UTRN: variants seen among roughly 807,000 people sequenced by gnomAD.
The protein encoded by UTRN is utrophin, also known as dystrophin-related protein 1.
In UTRN, 283 loss-of-function variants were observed where a neutral mutation model predicts 463.9. That is an observed-to-expected ratio of 0.61 (90% CI 0.55 to 0.67). The LOEUF (loss-of-function observed/expected upper bound fraction) is 0.67, where lower values mean the gene tolerates loss of function less well. Ranked by LOEUF, UTRN falls within the 30% of genes least tolerant of loss-of-function variation. The pLI is 0.00. For synonymous variants in UTRN, 1,442 were observed against 1,431.5 expected, an observed-to-expected ratio of 1.01 and a Z score of -0.17; for missense variants, 3,922 against 4,084.3, an observed-to-expected ratio of 0.96 and a Z score of 1.08.
Position 144,726,422 on chromosome 6 carries a change from C to T in UTRN, c.7810-3935C>T, listed in dbSNP as rs117653240. On this transcript the variant is annotated intron_variant, in intron 53 of 74. Transcript: ENST00000367545. ...TTCCCTCTCTGCAAGACTCAATTTA[C>T]GCACCACCTCCCCCAGGAAGCATTA... Among the ~76,000 whole-genome samples, 1,072 of 152,216 alleles carry T rather than the reference C, an allele frequency of 7.0e-3. 19 individuals are homozygous for T. The highest frequency in any genetic ancestry group is 0.039 in the South Asian group (190 of 4,818).
intron 2 of UTRN, among the ~76,000 whole-genome samples, chr6:144,352,938 T>G (rs948753558): frequency 2.0e-5 from 3 of 152,110 alleles, no homozygotes; most frequent in African/African-American, 7.2e-5. Context: ...ATGTTTCTTC[T>G]TCTTCTTTTT....
chr6:144,468,659 C>A (rs1475800421), intron 23 of UTRN, among the ~76,000 whole-genome samples: 2 of 151,628 alleles, frequency 1.3e-5, no homozygotes, highest in Admixed American at 6.6e-5. Context: ...AGAAAAAAAT[C>A]GTCATTATTG....
At chr6:144,701,164 C>T (rs1346853354) in intron 53 of UTRN, among the ~76,000 whole-genome samples, 1 of 152,176 alleles carries the variant, frequency 6.6e-6, no homozygotes, top group East Asian at 1.9e-4. Context: ...TCCTCGGCCT[C>T]CCAAAGTGCT....
chr6:144,343,054 A>G (rs1277674720), intron 2 of UTRN, among the ~76,000 whole-genome samples: 1 of 152,158 alleles, frequency 6.6e-6, no homozygotes, highest in Non-Finnish European at 1.5e-5. Context: ...GAGGAGGAGC[A>G]TAGGGGAGGT....
chr6:144,329,273 A>G (rs1263799899), intron 2 of UTRN, among the ~76,000 whole-genome samples: 2 of 151,470 alleles, frequency 1.3e-5, no homozygotes, highest in African/African-American at 4.9e-5. Flanking sequence ...AGTAAAGACA[A>G]GATTTCACCA....
At chr6:144,830,352 T>C (rs1780561891) in intron 69 of UTRN, among the ~76,000 whole-genome samples, 1 of 152,170 alleles carries the variant, frequency 6.6e-6, no homozygotes, top group South Asian at 2.1e-4. Context: ...ACAGTTGTTA[T>C]TAATATATAC....
Position 144,451,470 on chromosome 6 carries a change from T to A in UTRN, c.2173T>A (p.Ser725Thr). 2 of 1,609,998 alleles carry A rather than the reference T, an allele frequency of 1.2e-6. No homozygotes were observed. Among genetic ancestry groups the A allele is most frequent in the Non-Finnish European group, 1.7e-6 (2 of 1,178,900 alleles). The change falls in exon 18 of 75, where the codon TCC (serine) becomes ACC (threonine). Residue 725 changes from serine to threonine, a missense_variant. Coordinates refer to ENST00000367545, the MANE Select transcript of UTRN (RefSeq NM_007124.3). ...IKEYMKMQDT[S>T]EMKKKLKALE... ...AGAGTATATGAAGATGCAAGACACTTCCGAAATGAAAAAGAAGTTGAAGGT... is the reference window on the plus strand; with the variant it reads ...AGAGTATATGAAGATGCAAGACACTACCGAAATGAAAAAGAAGTTGAAGGT...
intron 60 of UTRN, among the ~76,000 whole-genome samples, chr6:144,778,367 TG>T (rs34629032): frequency 6.6e-6 from 1 of 152,076 alleles, no homozygotes; most frequent in Non-Finnish European, 1.5e-5. Context: ...CAGGCCTTTA[TG>T]GGGAGAGGTT....
intron 2 of UTRN, chr6:144,398,309 CT>C: frequency 3.2e-6 from 1 of 314,870 alleles, no homozygotes. Flanking sequence ...TTTGGGCTTC[CT>C]TGTCCTCAAT....
intron 53 of UTRN, among the ~76,000 whole-genome samples, chr6:144,717,622 C>CTTTTT (rs1786618062): frequency 8.0e-6 from 1 of 124,548 alleles, no homozygotes; most frequent in African/African-American, 3.5e-5. Flanking sequence ...TTTTCTTTTT[C>CTTTTT]TTTTCTTTTT....
At chr6:144,758,650 T>C (rs1313931638) in intron 58 of UTRN, among the ~76,000 whole-genome samples, 6 of 152,138 alleles carry the variant, frequency 3.9e-5, no homozygotes, top group Non-Finnish European at 7.4e-5. Flanking sequence ...ACACAGGCTC[T>C]TAGTAGGCGT....
rs138281134 is a variant in UTRN at position 144,791,755 on chromosome 6, A to G, written c.8921-2079A>G. 6.2e-4 allele frequency among the ~76,000 whole-genome samples: 94 copies of G among 152,262 alleles called. No homozygotes were observed. In the East Asian group the frequency reaches 0.018, roughly 28 times the overall value. On this transcript the variant is annotated intron_variant, in intron 62 of 74. Coordinates refer to ENST00000367545, the MANE Select transcript of UTRN (RefSeq NM_007124.3). ...AATGTGAACTTTTGTAGGAACTTTTATAAGGATTTATAGAAATATGTCAAA... is the reference window on the plus strand; with the variant it reads ...AATGTGAACTTTTGTAGGAACTTTTGTAAGGATTTATAGAAATATGTCAAA...
intron 51 of UTRN, among the ~76,000 whole-genome samples, chr6:144,674,647 C>T (rs1464046139): frequency 2.0e-5 from 3 of 152,136 alleles, no homozygotes; most frequent in African/African-American, 4.8e-5. Context: ...ACCTCTGCCT[C>T]CCAGGCTCAA....
intron 2 of UTRN, among the ~76,000 whole-genome samples, chr6:144,316,672 A>G (rs1169113520): frequency 2.0e-5 from 3 of 152,214 alleles, no homozygotes; most frequent in Non-Finnish European, 2.9e-5. Flanking sequence ...GATGGAGAAA[A>G]TATTTCCTAA....
intron 51 of UTRN, among the ~76,000 whole-genome samples, chr6:144,622,561 T>C (rs1229411011): frequency 6.6e-6 from 1 of 152,188 alleles, no homozygotes; most frequent in African/African-American, 2.4e-5. Flanking sequence ...GCCAGTTATA[T>C]ATTTGTGGGA....
chr6:144,490,318 G>A, intron 31 of UTRN, 119 bp downstream of exon 31: 2 of 1,399,204 alleles, frequency 1.4e-6, no homozygotes, highest in South Asian at 1.5e-5. Flanking sequence ...ACCATGGGAT[G>A]GGAGTGATGA....
chr6:144,561,091 T>C (rs1006557709), intron 50 of UTRN, among the ~76,000 whole-genome samples: 1 of 150,398 alleles, frequency 6.6e-6, no homozygotes, highest in Admixed American at 6.7e-5. Context: ...CTAGTGCCAG[T>C]TGAGATAGTG....
Position 144,516,263 on chromosome 6 carries a change from T to G in UTRN, c.5279T>G (p.Leu1760Trp). The G allele has an allele frequency of 6.2e-7, 1 of 1,613,834 alleles. No individual in the cohort carries two copies. Among genetic ancestry groups the G allele is most frequent in the Non-Finnish European group, 8.5e-7 (1 of 1,179,932 alleles). The change falls in exon 38 of 75, where the codon TTG becomes TGG. Residue 1760 changes from leucine to tryptophan, a missense_variant. Leu to Trp is a moderately conservative substitution (Grantham distance 61, BLOSUM62 -2). Transcript: ENST00000367545. The part of the protein sequence containing the change: ...LIAQEPLYQC[L>W]VTTETFETGV... ...GCTCAGGAACCATTATACCAATGTT[T>G]GGTCACCACTGAAACATTTGAAACT... is the stretch of plus-strand genomic sequence containing the variant.
intron 56 of UTRN, among the ~76,000 whole-genome samples, chr6:144,752,674 A>G (rs1480466033): frequency 6.6e-6 from 1 of 152,166 alleles, no homozygotes; most frequent in African/African-American, 2.4e-5. Context: ...GTAAAGCAAA[A>G]TCTGTTAAAT....
Sources: allele counts gnomAD v4.1 joint callset (sites outside exome capture counted in the v4.1 genomes callset), GRCh38; gene constraint gnomAD v4.1.1; transcripts MANE v1.5; gene names NCBI Gene and HGNC (gene_info 2026-07-23, HGNC 2026-07-21).